The following NCOR1 variants were observed in gnomAD, a reference collection of about 807,000 sequenced individuals.
NCOR1 encodes nuclear receptor corepressor 1.
A neutral mutation model predicts 288.1 loss-of-function variants in NCOR1; 63 were observed. That is an observed-to-expected ratio of 0.22 (90% CI 0.18 to 0.27). The LOEUF (loss-of-function observed/expected upper bound fraction) is 0.27, where lower values mean the gene tolerates loss of function less well. Ranked by LOEUF, NCOR1 falls within the 10% of genes least tolerant of loss-of-function variation. NCOR1 has a pLI of 1.00. For missense variants in NCOR1, 2,397 were observed against 3,019.2 expected (o/e 0.79, Z 4.83); for synonymous variants, 1,007 against 1,065.9 (o/e 0.94, Z 1.08).
At chr17:16,133,948 G>A (rs946159299) in intron 14 of NCOR1, among the ~76,000 whole-genome samples, 2 of 152,186 alleles carry the variant, frequency 1.3e-5, no homozygotes, top group Non-Finnish European at 2.9e-5. Context: ...CCTCACTGTA[G>A]CCTAGTCCAA....
intron 1 of NCOR1, among the ~76,000 whole-genome samples, chr17:16,213,094 C>T (rs1194464537): frequency 6.7e-6 from 1 of 149,716 alleles, no homozygotes; most frequent in Non-Finnish European, 1.5e-5. Flanking sequence ...AAGTTATTAA[C>T]TAATCTAATC....
chr17:16,141,468 C>T (rs1468378027), intron 11 of NCOR1, among the ~76,000 whole-genome samples: 1 of 152,084 alleles, frequency 6.6e-6, no homozygotes, highest in African/African-American at 2.4e-5. Flanking sequence ...ATACCTCCTC[C>T]AGGGCTAGTT....
At chr17:16,168,684 G>A (rs548353718) in intron 4 of NCOR1, among the ~76,000 whole-genome samples, 2 of 152,020 alleles carry the variant, frequency 1.3e-5, no homozygotes, top group East Asian at 3.9e-4. Context: ...CCTAAATAAT[G>A]TATGGGCCAG....
intron 32 of NCOR1, 122 bp from the exon 33 acceptor site, chr17:16,065,816 C>A: frequency 1.2e-6 from 1 of 809,304 alleles, no homozygotes; most frequent in Non-Finnish European, 2.0e-6. Context: ...GGAACTTTTA[C>A]TTAGCTACAA....
intron 10 of NCOR1, among the ~76,000 whole-genome samples, chr17:16,145,855 G>C (rs532387298): frequency 1.3e-5 from 2 of 150,194 alleles, no homozygotes; most frequent in Admixed American, 6.6e-5. Flanking sequence ...CGACTAGAGA[G>C]GGGGGGAAAT....
intron 40 of NCOR1, among the ~76,000 whole-genome samples, chr17:16,054,055 T>A (rs2059620575): frequency 7.5e-6 from 1 of 133,012 alleles, no homozygotes; most frequent in Non-Finnish European, 1.6e-5. Context: ...TCAAGATGGA[T>A]TAAAGACTTA....
chr17:16,040,668 G>A, intron 42 of NCOR1, 174 bp from the exon 43 acceptor site: 2 of 651,728 alleles, frequency 3.1e-6, no homozygotes. Context: ...TTTGAGACAG[G>A]GTCTCACTCT....
At chr17:16,034,667 T>A in intron 45 of NCOR1, 98 bp downstream of exon 45, 4 of 1,115,046 alleles carry the variant, frequency 3.6e-6, no homozygotes, top group Non-Finnish European at 5.2e-6. Context: ...GAATATAGGT[T>A]TCCAAATTAG....
intron 6 of NCOR1, among the ~76,000 whole-genome samples, chr17:16,158,009 T>C (rs536942458): frequency 7.5e-4 from 114 of 152,094 alleles, no homozygotes; most frequent in African/African-American, 2.7e-3. Flanking sequence ...AGTTTTGGTC[T>C]GTTGTCTAGA....
chr17:16,208,206 A>ATTTTTTCTTTTT (rs2091771917), intron 1 of NCOR1, among the ~76,000 whole-genome samples: 1 of 65,552 alleles, frequency 1.5e-5, no homozygotes, highest in Non-Finnish European at 2.8e-5. Flanking sequence ...ATGCCCAGCT[A>ATTTTTTCTTTTT]TTTTTTTTTT....
rs762269869 is a variant in NCOR1, at chr17:16,029,407, A to T, written c.*2889T>A. The T allele has an allele frequency of 6.1e-6, 2 of 325,204 alleles. No homozygotes were observed. The highest frequency in any genetic ancestry group is 5.2e-5 in the South Asian group (2 of 38,440). The allele number at this position is 325,204 out of a possible 1,614,324, so 20.1% of individuals were successfully genotyped here. On this transcript the variant is annotated 3_prime_UTR_variant, in exon 46 of 46. Coordinates refer to ENST00000268712, the MANE Select transcript of NCOR1 (RefSeq NM_006311.4). ...GTCATTAAAATTTTTTAACTGTCCA[A>T]TGGTCACTGGAGTTTTCTGGGCATA...
In NCOR1 at chr17:16,071,724, G is replaced by A. The variant is rs918750522; in HGVS notation, c.3896-59C>T. 1.2e-5 allele frequency: 17 copies of A among 1,476,206 alleles called. No individual in the cohort carries two copies. The African/African-American group carries it at 1.8e-4, about 16-fold the overall frequency. 91.4% of individuals were successfully genotyped at this position (1,476,206 alleles called of 1,614,324 possible). On this transcript the variant is annotated intron_variant, in intron 29 of 45. Coordinates refer to ENST00000268712, the MANE Select transcript of NCOR1 (RefSeq NM_006311.4). ...GCTGATGGTTGCACAACAATGCCAC[G>A]GAACTGTGCACTTAAAAATGGTTAA...
intron 18 of NCOR1, among the ~76,000 whole-genome samples, chr17:16,111,095 C>T (rs1209084735): frequency 1.3e-5 from 2 of 152,106 alleles, no homozygotes; most frequent in East Asian, 1.9e-4. Flanking sequence ...TGGATTTTTC[C>T]AGAGCCCAGT....
intron 19 of NCOR1, among the ~76,000 whole-genome samples, chr17:16,105,044 A>G (rs551430464): frequency 5.0e-4 from 76 of 152,264 alleles, no homozygotes; most frequent in Middle Eastern, 3.4e-3. Context: ...GCCAACAAAA[A>G]AGCAGCTGGC....
chr17:16,193,144 C>CT (rs2088914449), intron 2 of NCOR1, among the ~76,000 whole-genome samples: 1 of 152,076 alleles, frequency 6.6e-6, no homozygotes, highest in African/African-American at 2.4e-5. Context: ...GAGTTTATGA[C>CT]TTTGTCAAAA....
chr17:16,057,663 G>C lies in NCOR1; in HGVS notation c.6243C>G (p.Phe2081Leu). 1 of 1,613,658 alleles carries C rather than the reference G, an allele frequency of 6.2e-7. No individual in the cohort carries two copies. The highest frequency in any genetic ancestry group is 8.5e-7 in the Non-Finnish European group (1 of 1,179,862). Residue 2081 changes from phenylalanine to leucine, a missense_variant, in exon 40 of 46, where the codon TTC becomes TTG. By Grantham distance (22) the Phe-to-Leu change is conservative. Transcript: ENST00000268712. Reference sequence around the variant, plus strand: ...ATACCAAAGCAGAAGGTGAGTTCTGGAATGTAGAAGTAGGAGGCTGCTGGG... The same window carrying C: ...ATACCAAAGCAGAAGGTGAGTTCTGCAATGTAGAAGTAGGAGGCTGCTGGG... The part of the protein sequence containing the change: ...QTPQQPPTST[F>L]QNSPSALVST...
At chr17:16,143,195 G>A (rs1412452488) in intron 11 of NCOR1, among the ~76,000 whole-genome samples, 8 of 152,052 alleles carry the variant, frequency 5.3e-5, no homozygotes, top group Non-Finnish European at 7.4e-5. Flanking sequence ...TTTAGGAAAC[G>A]GCACCACCAG....
At chr17:16,143,945 T>A (rs1304830437) in intron 10 of NCOR1, among the ~76,000 whole-genome samples, 1 of 152,186 alleles carries the variant, frequency 6.6e-6, no homozygotes, top group Non-Finnish European at 1.5e-5. Flanking sequence ...TAGGGAAAAC[T>A]TCTAGAAAGT....
At chr17:16,202,958 G>C (rs2091025792) in intron 1 of NCOR1, among the ~76,000 whole-genome samples, 1 of 151,982 alleles carries the variant, frequency 6.6e-6, no homozygotes, top group African/African-American at 2.4e-5. Flanking sequence ...GCTCTGTTCT[G>C]CTCTACATGG....
Sources: allele counts gnomAD v4.1 joint callset (sites outside exome capture counted in the v4.1 genomes callset), GRCh38; gene constraint gnomAD v4.1.1; transcripts MANE v1.5; gene names NCBI Gene and HGNC (gene_info 2026-07-23, HGNC 2026-07-21).